The following RPL31 variants were observed in gnomAD, a reference collection of about 807,000 sequenced individuals.
The protein encoded by RPL31 is ribosomal protein L31.
For missense variants in RPL31, 95 were observed against 164.0 expected (o/e 0.58, Z 2.30); for synonymous variants, 51 against 55.0 (o/e 0.93, Z 0.32).
At chr2:101,005,534 TC>T (rs1678695251) in intron 3 of RPL31, 1 of 164,702 alleles carries the variant, frequency 6.1e-6, no homozygotes, top group Non-Finnish European at 1.3e-5. Context: ...GATCTCGAAC[TC>T]CTGACCTCAG....
intron 4 of RPL31, among the ~76,000 whole-genome samples, chr2:101,015,395 G>T (rs1679550419): frequency 6.6e-6 from 1 of 152,090 alleles, no homozygotes. Context: ...ACACTTAACT[G>T]TACTGAGTTC....
chr2:101,016,535 A>C, intron 4 of RPL31, among the ~76,000 whole-genome samples: 1 of 152,152 alleles, frequency 6.6e-6, no homozygotes, highest in Non-Finnish European at 1.5e-5. Flanking sequence ...AGGGATCTAG[A>C]ACTAGAAATA....
exon 5 of RPL31, chr2:101,019,127 A>C: frequency 5.5e-5 from 84 of 1,526,988 alleles, no homozygotes; most frequent in Non-Finnish European, 6.8e-5. Context: ...AACCAAGCTC[A>C]CCGAGGACGT....
intron 2 of RPL31, among the ~76,000 whole-genome samples, 178 bp downstream of exon 2, chr2:101,002,986 CTGCATTG>C (rs1190772527): frequency 1.3e-5 from 2 of 152,220 alleles, no homozygotes; most frequent in African/African-American, 4.8e-5. Context: ...GTCTGACCAG[CTGCATTG>C]GTCTTTCTGA....
At chr2:101,007,826 A>C (rs576024231), downstream of RPL31, 1 of 1,613,458 alleles carries the variant, frequency 6.2e-7, no homozygotes, top group East Asian at 2.2e-5. Flanking sequence ...TCTTGCTACA[A>C]GTTACTCAGC....
chr2:101,012,272 T>G (rs531408277), intron 4 of RPL31, among the ~76,000 whole-genome samples: 8 of 152,348 alleles, frequency 5.3e-5, no homozygotes, highest in African/African-American at 1.7e-4. Context: ...CACAGTAGTA[T>G]TGTTCATAGT....
intron 3 of RPL31, chr2:101,004,758 G>C (rs777782842): frequency 2.5e-5 from 4 of 162,234 alleles, no homozygotes; most frequent in African/African-American, 7.2e-5. Flanking sequence ...TGTGGGCCAG[G>C]GACTACTAAA....
At chr2:101,011,571 C>G (rs762690408), downstream of RPL31, 1 of 1,610,950 alleles carries the variant, frequency 6.2e-7, no homozygotes, top group Non-Finnish European at 8.5e-7. Flanking sequence ...TTAAATTAAA[C>G]AAATTTTCTG....
At chr2:101,011,612 C>G, downstream of RPL31, 1 of 1,526,546 alleles carries the variant, frequency 6.6e-7, no homozygotes, top group Non-Finnish European at 9.0e-7. Context: ...ATGTAGCTTT[C>G]TAGGCAACTA....
chr2:101,010,445 C>T (rs17025182), downstream of RPL31, among the ~76,000 whole-genome samples: 3,997 of 152,172 alleles, frequency 0.026, 199 homozygotes, highest in African/African-American at 0.091. Context: ...GTGGCAGCCT[C>T]CTGTTTTGAA....
In RPL31 at chr2:101,005,867, AGAAG is replaced by A. The variant is rs1200290895; in HGVS notation, c.234-91_234-88del. 8.4e-6 allele frequency: 9 copies of A among 1,067,148 alleles called. No individual in the cohort carries two copies. In the African/African-American group the frequency reaches 1.4e-4, roughly 17 times the overall value. The allele number at this position is 1,067,148 out of a possible 1,614,324, so 66.1% of individuals were successfully genotyped here. ...TCAGAGTAGAGCAAAGGACAGCATT[AGAAG>A]CAGGCATATGAGATATGTGAATACA... is the stretch of plus-strand genomic sequence containing the variant. On this transcript the variant is annotated intron_variant, in intron 3 of 4. Coordinates refer to ENST00000264258, the MANE Select transcript of RPL31 (RefSeq NM_000993.5).
At chr2:101,018,019 C>A in intron 4 of RPL31, 3 of 1,301,422 alleles carry the variant, frequency 2.3e-6, no homozygotes, top group Admixed American at 2.1e-5. Context: ...AGCATGTGCT[C>A]ATTCTACATA....
chr2:101,004,436 A>G, intron 3 of RPL31, 153 bp downstream of exon 3: 1 of 757,214 alleles, frequency 1.3e-6, no homozygotes, highest in Non-Finnish European at 2.1e-6. Flanking sequence ...GGTGTGTAGT[A>G]TCTGCAGGGA....
intron 4 of RPL31, chr2:101,017,837 G>A: frequency 6.4e-7 from 1 of 1,550,432 alleles, no homozygotes; most frequent in South Asian, 1.2e-5. Flanking sequence ...CAGTGAAGCA[G>A]CTACATGCAA....
chr2:101,015,004 G>A (rs138441237), intron 4 of RPL31, among the ~76,000 whole-genome samples: 9 of 152,218 alleles, frequency 5.9e-5, no homozygotes, highest in African/African-American at 1.9e-4. Context: ...AGAGGAATAC[G>A]TTCTGAGAAA....
At chr2:101,008,286 TAA>T, downstream of RPL31, 1 of 1,512,882 alleles carries the variant, frequency 6.6e-7, no homozygotes, top group Non-Finnish European at 8.8e-7. Context: ...GAAATTGAAA[TAA>T]GTCTTAGGTA....
At chr2:101,010,494 T>C (rs999854697), downstream of RPL31, among the ~76,000 whole-genome samples, 11 of 152,204 alleles carry the variant, frequency 7.2e-5, no homozygotes, top group Middle Eastern at 3.2e-3. Flanking sequence ...TTGATCACAA[T>C]TTAGTATTTC....
At chr2:101,010,857 G>A (rs1679153202), downstream of RPL31, 2 of 1,320,264 alleles carry the variant, frequency 1.5e-6, no homozygotes, top group East Asian at 2.3e-5. Flanking sequence ...ACTCCAGCCT[G>A]GGCGACAGAG....
chr2:101,004,610 A>T, intron 3 of RPL31: 3 of 312,828 alleles, frequency 9.6e-6, no homozygotes, highest in South Asian at 1.1e-4. Flanking sequence ...TGGAGGAGGG[A>T]GGGGTGAGGG....
Sources: gnomAD v4.1 joint callset for allele counts (sites outside exome capture counted in the v4.1 genomes callset) on GRCh38, gnomAD v4.1.1 for gene constraint, MANE v1.5 for transcripts, NCBI Gene and HGNC (gene_info 2026-07-23, HGNC 2026-07-21) for gene names.